The following ABAT variants were observed in gnomAD, a reference collection of about 807,000 sequenced individuals.
ABAT encodes 4-aminobutyrate aminotransferase, also known as 4-aminobutyrate aminotransferase, mitochondrial.
In ABAT, 45 loss-of-function variants were observed where a neutral mutation model predicts 64.6. That is an observed-to-expected ratio of 0.70 (90% confidence interval 0.55 to 0.89). The LOEUF (loss-of-function observed/expected upper bound fraction) is 0.89. Ranked by LOEUF, ABAT falls within the 40% of genes least tolerant of loss-of-function variation. ABAT has a pLI of 0.00. For missense variants in ABAT, 633 were observed against 658.4 expected (o/e 0.96, Z 0.42); for synonymous variants, 297 against 250.5 (o/e 1.19, Z -1.75).
intron 1 of ABAT, among the ~76,000 whole-genome samples, chr16:8,702,287 GT>G (rs1364630446): frequency 2.0e-5 from 3 of 150,596 alleles, no homozygotes; most frequent in Non-Finnish European, 4.4e-5. Context: ...TTCTTTTGGT[GT>G]TTTGCCCAGG....
intron 5 of ABAT, 94 bp downstream of exon 5, chr16:8,750,633 C>A: frequency 8.9e-7 from 1 of 1,120,380 alleles, no homozygotes; most frequent in Non-Finnish European, 1.4e-6. Flanking sequence ...TTCCAGCAGG[C>A]ACATCCCAGA....
At chr16:8,692,607 C>A (rs1010811549) in intron 1 of ABAT, among the ~76,000 whole-genome samples, 2 of 152,176 alleles carry the variant, frequency 1.3e-5, no homozygotes, top group Non-Finnish European at 1.5e-5. Flanking sequence ...GTCATATTTT[C>A]TTCCTCCTGA....
chr16:8,776,190 G>C lies in ABAT; in HGVS notation c.1123-154G>C, dbSNP rs1395030448. On this transcript the variant is annotated intron_variant, in intron 13 of 15. Transcript: ENST00000268251. The surrounding 1 kb of genome is among the most constrained non-coding windows in gnomAD (Gnocchi z 4.4). ...CTAGCCTCTGGTAGAGAAGAATTCA[G>C]CGAGATTGGGTGTGTTCCCCTGCCA... 3.3e-5 allele frequency among the ~76,000 whole-genome samples: 5 copies of C among 152,286 alleles called. No homozygotes were observed. The highest frequency in any genetic ancestry group is 9.6e-5 in the African/African-American group (4 of 41,550).
chr16:8,677,301 C>T (rs8054014), intron 1 of ABAT, among the ~76,000 whole-genome samples: 8 of 152,162 alleles, frequency 5.3e-5, no homozygotes, highest in East Asian at 3.8e-4. Flanking sequence ...TAACCCTTGC[C>T]GTAGATAATC....
chr16:8,778,804 A>G (rs968139846), intron 14 of ABAT, among the ~76,000 whole-genome samples: 7 of 152,052 alleles, frequency 4.6e-5, no homozygotes, highest in African/African-American at 1.4e-4. Flanking sequence ...AACAAAAAAC[A>G]GTCATTGCAT....
Position 8,695,671 on chromosome 16 carries a change from C to T in ABAT, c.-42+20960C>T, listed in dbSNP as rs76445651. Among the ~76,000 whole-genome samples the T allele has an allele frequency of 7.7e-3, 1,168 of 152,216 alleles. 15 individuals are homozygous for T. The highest frequency in any genetic ancestry group is 0.027 in the African/African-American group (1,108 of 41,540). ...AAGCCTAATCCACCACAGGGCCTTT[C>T]GGCTTTCTTTGCCTCCGTTTTCTCA... is the stretch of plus-strand genomic sequence containing the variant. On this transcript the variant is annotated intron_variant, in intron 1 of 15. Coordinates refer to ENST00000268251, the MANE Select transcript of ABAT (RefSeq NM_020686.6).
intron 2 of ABAT, among the ~76,000 whole-genome samples, chr16:8,742,865 C>CAAAAAA (rs71152927): frequency 1.0e-5 from 1 of 96,996 alleles, no homozygotes; most frequent in Non-Finnish European, 2.0e-5. Flanking sequence ...GACCCTGTCT[C>CAAAAAA]AAAAAAAAAA....
chr16:8,723,275 T>C (rs1432634327), intron 1 of ABAT, among the ~76,000 whole-genome samples: 2 of 152,094 alleles, frequency 1.3e-5, no homozygotes, highest in Non-Finnish European at 2.9e-5. Context: ...ATTTAGGATA[T>C]CATTGCCTTC....
At chr16:8,699,471 T>A (rs1030795958) in intron 1 of ABAT, among the ~76,000 whole-genome samples, 4 of 152,032 alleles carry the variant, frequency 2.6e-5, no homozygotes, top group African/African-American at 9.7e-5. Context: ...GTCAGGAGAA[T>A]CACTTGAACC....
chr16:8,717,516 C>G (rs2058247036), intron 1 of ABAT, among the ~76,000 whole-genome samples: 1 of 152,088 alleles, frequency 6.6e-6, no homozygotes, highest in Non-Finnish European at 1.5e-5. Context: ...TTCATTGTGA[C>G]TCCAAACCAA....
At chr16:8,719,242 G>T (rs111629636) in intron 1 of ABAT, among the ~76,000 whole-genome samples, 4 of 152,194 alleles carry the variant, frequency 2.6e-5, no homozygotes, top group Non-Finnish European at 5.9e-5. Flanking sequence ...CTTCTGTGGC[G>T]TTGGCCCGGG....
intron 1 of ABAT, among the ~76,000 whole-genome samples, chr16:8,697,904 T>G (rs941557341): frequency 1.3e-5 from 2 of 152,224 alleles, no homozygotes; most frequent in African/African-American, 4.8e-5. Flanking sequence ...CCCAAAGTGC[T>G]GGGATCACAG....
At chr16:8,675,117 T>C (rs576426406) in intron 1 of ABAT, among the ~76,000 whole-genome samples, 6 of 152,002 alleles carry the variant, frequency 3.9e-5, no homozygotes, top group African/African-American at 7.2e-5. Flanking sequence ...ATGGGGGTCT[T>C]CTCAGCTTAT....
chr16:8,698,998 C>G (rs2057762602), intron 1 of ABAT, among the ~76,000 whole-genome samples: 1 of 152,108 alleles, frequency 6.6e-6, no homozygotes, highest in Non-Finnish European at 1.5e-5. Flanking sequence ...CGAACAGCAG[C>G]AGATAAGTAT....
chr16:8,724,356 C>T (rs947501887), intron 1 of ABAT, among the ~76,000 whole-genome samples: 1 of 152,168 alleles, frequency 6.6e-6, no homozygotes, highest in Non-Finnish European at 1.5e-5. Flanking sequence ...TTTTTGTTCG[C>T]TGCTCCAAAT....
Position 8,729,434 on chromosome 16 carries a change from T to C in ABAT, c.-41-6265T>C, listed in dbSNP as rs118133912. Reference sequence around the variant, plus strand: ...GACTGAGGCCGAATGTCATAACCTCTCTGAGCCTCCCTTTTATCATCTCTG... The same window carrying C: ...GACTGAGGCCGAATGTCATAACCTCCCTGAGCCTCCCTTTTATCATCTCTG... On this transcript the variant is annotated intron_variant, in intron 1 of 15. Coordinates refer to ENST00000268251, the MANE Select transcript of ABAT (RefSeq NM_020686.6). Among the ~76,000 whole-genome samples the C allele has an allele frequency of 4.6e-5, 7 of 152,314 alleles. No individual in the cohort carries two copies. The East Asian group carries it at 1.4e-3, about 29-fold the overall frequency.
At chr16:8,749,655 C>G (rs1471482271) in intron 4 of ABAT, among the ~76,000 whole-genome samples, 1 of 151,998 alleles carries the variant, frequency 6.6e-6, no homozygotes, top group Non-Finnish European at 1.5e-5. Flanking sequence ...CTCAGCTTCC[C>G]AAAGTGCTGG....
At chr16:8,761,273 GCCAGCAACCTCTCC>G (rs1180509982) in intron 6 of ABAT, among the ~76,000 whole-genome samples, 8 of 146,706 alleles carry the variant, frequency 5.5e-5, no homozygotes, top group Non-Finnish European at 1.0e-4. Flanking sequence ...TTGGCTTTCT[GCCAGCAACCTCTCC>G]CCATCGATCC....
chr16:8,740,919 C>G (rs1320981283), intron 2 of ABAT, among the ~76,000 whole-genome samples: 1 of 152,220 alleles, frequency 6.6e-6, no homozygotes, highest in Admixed American at 6.5e-5. Context: ...GCAGAGCAAA[C>G]AACTCCAGTT....
Sources: allele counts gnomAD v4.1 joint callset (sites outside exome capture counted in the v4.1 genomes callset), GRCh38; gene constraint gnomAD v4.1.1; non-coding constraint Gnocchi (gnomAD v3.1); transcripts MANE v1.5; gene names NCBI Gene and HGNC (gene_info 2026-07-23, HGNC 2026-07-21).